The following FOXN2 variants were observed in gnomAD, a reference collection of about 807,000 sequenced individuals.
The protein encoded by FOXN2 is forkhead box protein N2.
Under a neutral mutation model 41.2 loss-of-function variants are expected in FOXN2, and 19 were observed. The observed-to-expected ratio is 0.46, with a 90% CI of 0.32 to 0.68. The LOEUF is 0.68. FOXN2 is among the 30% of genes least tolerant of loss of function. The pLI is 0.03. For missense variants in FOXN2, 587 were observed against 509.4 expected, an observed-to-expected ratio of 1.15 and a Z score of -1.47; for synonymous variants, 195 against 176.8, an observed-to-expected ratio of 1.10 and a Z score of -0.82.
At chr2:48,365,233 T>C (rs1300452204) in intron 5 of FOXN2, among the ~76,000 whole-genome samples, 1 of 152,166 alleles carries the variant, frequency 6.6e-6, no homozygotes, top group Non-Finnish European at 1.5e-5. Context: ...GAAAAGAATA[T>C]GAAAAAGTTC....
chr2:48,361,359 G>C (rs1202872609), intron 4 of FOXN2, among the ~76,000 whole-genome samples: 1 of 151,852 alleles, frequency 6.6e-6, no homozygotes, highest in Admixed American at 6.6e-5. Flanking sequence ...CCAGCTACTC[G>C]GGAGGCTGAG....
chr2:48,325,660 T>C (rs1171072762), intron 1 of FOXN2, among the ~76,000 whole-genome samples: 1 of 152,094 alleles, frequency 6.6e-6, no homozygotes, highest in Non-Finnish European at 1.5e-5. Context: ...ACAACAAATA[T>C]TTGAGCAGTA....
chr2:48,337,676 CCTGA>C (rs541017857), intron 2 of FOXN2, among the ~76,000 whole-genome samples: 57 of 152,084 alleles, frequency 3.7e-4, no homozygotes, highest in Non-Finnish European at 5.9e-4. Flanking sequence ...TAGGCTGCTG[CCTGA>C]CTAATATTAA....
chr2:48,370,743 C>A (rs1231173506), intron 5 of FOXN2, among the ~76,000 whole-genome samples: 2 of 152,066 alleles, frequency 1.3e-5, no homozygotes, highest in Non-Finnish European at 2.9e-5. Flanking sequence ...ATATTTTATT[C>A]ATTCTGTAGG....
chr2:48,346,880 T>C (rs1012202869), intron 3 of FOXN2, 129 bp downstream of exon 3: 9 of 691,624 alleles, frequency 1.3e-5, no homozygotes, highest in Admixed American at 6.8e-5. Context: ...AACTGAATTA[T>C]ATTCATTTGT....
rs1428161607 is a variant in FOXN2, at chr2:48,375,095, C to A, written c.948C>A (p.Ser316=). The change falls in exon 7 of 7, where the codon TCC becomes TCA. Residue 316 remains serine (S), a synonymous_variant. Transcript: ENST00000340553. ...GCATGGCAGCACAGCGTTGTGCATCCAGGTCTAGCGTGTCTTCCCTGTCTT... is the reference window on the plus strand; with the variant it reads ...GCATGGCAGCACAGCGTTGTGCATCAAGGTCTAGCGTGTCTTCCCTGTCTT... The part of the protein sequence containing the change: ...ASSMAAQRCA[S]RSSVSSLSSV... 10 of 1,613,962 alleles carry A rather than the reference C, an allele frequency of 6.2e-6. No individual in the cohort carries two copies. Among genetic ancestry groups the A allele is most frequent in the Middle Eastern group, 1.6e-4 (1 of 6,084 alleles).
intron 2 of FOXN2, chr2:48,340,792 C>A (rs1670710554): frequency 6.6e-6 from 1 of 152,076 alleles, no homozygotes; most frequent in Non-Finnish European, 1.5e-5. Flanking sequence ...CTCAGATAAA[C>A]CTCATTGGCT....
At chr2:48,322,475 C>G (rs1669393144) in intron 1 of FOXN2, among the ~76,000 whole-genome samples, 1 of 152,122 alleles carries the variant, frequency 6.6e-6, no homozygotes, top group Non-Finnish European at 1.5e-5. Flanking sequence ...TCCCTAGATG[C>G]TATAGTTAAG....
intron 2 of FOXN2, among the ~76,000 whole-genome samples, chr2:48,335,246 A>C (rs768202273): frequency 9.9e-5 from 15 of 152,222 alleles, no homozygotes; most frequent in Non-Finnish European, 1.9e-4. Flanking sequence ...AGAAAAGAGC[A>C]AACATGTTGA....
intron 3 of FOXN2, among the ~76,000 whole-genome samples, chr2:48,357,184 G>A (rs971327616): frequency 2.6e-5 from 4 of 152,166 alleles, no homozygotes; most frequent in African/African-American, 9.7e-5. Flanking sequence ...TGTTACTTGA[G>A]ACCATACTCA....
chr2:48,323,434 C>G (rs62138809), intron 1 of FOXN2, among the ~76,000 whole-genome samples: 202 of 152,268 alleles, frequency 1.3e-3, no homozygotes, highest in Non-Finnish European at 2.3e-3. Context: ...GCTCTTCTGA[C>G]TGGTGTAAGA....
Position 48,378,146 on chromosome 2 carries a change from A to C in FOXN2, c.*2703A>C, listed in dbSNP as rs1673363708. On this transcript the variant is annotated 3_prime_UTR_variant, in exon 7 of 7. Transcript: ENST00000340553. ...ATTCAACACAATTGTTCATCTTCAC[A>C]TCCCAAACAGAATCACTGTTTCTTG... 2 of 152,422 alleles carry C rather than the reference A, an allele frequency of 1.3e-5. 1 individual carries two copies. The highest frequency in any genetic ancestry group is 1.3e-4 in the Admixed American group (2 of 15,262). The allele number at this position is 152,422 out of a possible 1,614,324, so 9.4% of individuals were successfully genotyped here.
Position 48,323,777 on chromosome 2 carries a change from T to A in FOXN2, c.-156-4784T>A, listed in dbSNP as rs534772803. Among the ~76,000 whole-genome samples the A allele has an allele frequency of 3.9e-5, 6 of 152,276 alleles. No homozygotes were observed. The East Asian group carries it at 1.2e-3, about 29-fold the overall frequency. On this transcript the variant is annotated intron_variant, in intron 1 of 6. Coordinates refer to ENST00000340553, the MANE Select transcript of FOXN2 (RefSeq NM_002158.4). The stretch of plus-strand genomic sequence containing the variant: ...TGGTTTTGTTGCAGTTGCTTTTGAG[T>A]TCTTAGTCATAAATTCTTGTTCAGG...
intron 2 of FOXN2, among the ~76,000 whole-genome samples, chr2:48,332,456 C>T (rs759153915): frequency 2.6e-5 from 4 of 152,066 alleles, no homozygotes; most frequent in Non-Finnish European, 5.9e-5. Flanking sequence ...AAGTGAAAGT[C>T]GAATCGTAAA....
At chr2:48,326,891 C>T (rs1669713390) in intron 1 of FOXN2, among the ~76,000 whole-genome samples, 1 of 152,098 alleles carries the variant, frequency 6.6e-6, no homozygotes, top group Non-Finnish European at 1.5e-5. Flanking sequence ...ATTCCAAAGT[C>T]CCAAAAAATC....
intron 1 of FOXN2, among the ~76,000 whole-genome samples, chr2:48,325,751 A>C (rs1381651357): frequency 6.6e-6 from 1 of 152,088 alleles, no homozygotes; most frequent in Admixed American, 6.6e-5. Context: ...CTCAGGTGTG[A>C]CAAATGTTAT....
chr2:48,357,863 A>G (rs1016023200), intron 3 of FOXN2, among the ~76,000 whole-genome samples: 9 of 44,138 alleles, frequency 2.0e-4, no homozygotes, highest in Admixed American at 8.2e-4. Context: ...TCTTTTATTG[A>G]AAAAAAAAAA....
chr2:48,337,741 T>C (rs572747386), intron 2 of FOXN2, among the ~76,000 whole-genome samples: 1 of 152,300 alleles, frequency 6.6e-6, no homozygotes, highest in East Asian at 1.9e-4. Context: ...ACAAAAAGAA[T>C]TGATACATAA....
intron 5 of FOXN2, among the ~76,000 whole-genome samples, chr2:48,371,282 T>G (rs2104526209): frequency 6.6e-6 from 1 of 152,124 alleles, no homozygotes; most frequent in East Asian, 1.9e-4. Flanking sequence ...TCTGTAATCC[T>G]AGCTGTTCAG....
Sources: allele counts gnomAD v4.1 joint callset (sites outside exome capture counted in the v4.1 genomes callset), GRCh38; gene constraint gnomAD v4.1.1; transcripts MANE v1.5; gene names NCBI Gene and HGNC (gene_info 2026-07-23, HGNC 2026-07-21).